Variants in HMGA2 observed in about 807,000 individuals in gnomAD.
The protein encoded by HMGA2 is high mobility group protein HMGI-C.
HMGA2 carries 8 observed loss-of-function variants against 19.1 expected under a neutral mutation model. The ratio of observed to expected loss-of-function variants is 0.42; its 90% CI spans 0.25 to 0.76. The LOEUF (loss-of-function observed/expected upper bound fraction) is 0.76. Ranked by LOEUF, HMGA2 falls within the 30% of genes least tolerant of loss-of-function variation. The pLI, the probability that HMGA2 is intolerant of heterozygous loss-of-function variation, is 0.28. For missense variants in HMGA2, 109 were observed against 136.3 expected, an observed-to-expected ratio of 0.80 and a Z score of 1.00; for synonymous variants, 60 against 48.8, an observed-to-expected ratio of 1.23 and a Z score of -0.96.
intron 3 of HMGA2, among the ~76,000 whole-genome samples, chr12:65,863,247 G>A (rs1308582465): frequency 6.6e-6 from 1 of 152,226 alleles, no homozygotes; most frequent in African/African-American, 2.4e-5. Flanking sequence ...ACAGAATGGA[G>A]CATTTCTGTT....
chr12:65,870,593 G>A (rs1305970405), intron 3 of HMGA2, among the ~76,000 whole-genome samples: 2 of 152,164 alleles, frequency 1.3e-5, no homozygotes, highest in Non-Finnish European at 2.9e-5. Flanking sequence ...AGCCAGGCGT[G>A]GTGGCACATG....
At chr12:65,866,902 A>G (rs1315288382) in intron 3 of HMGA2, 1 of 456,928 alleles carries the variant, frequency 2.2e-6, no homozygotes, top group Non-Finnish European at 4.4e-6. Flanking sequence ...TTCTGCTGCC[A>G]TTTTTCTTTC....
At chr12:65,926,952 A>C (rs1875526239) in intron 3 of HMGA2, among the ~76,000 whole-genome samples, 1 of 152,232 alleles carries the variant, frequency 6.6e-6, no homozygotes, top group Non-Finnish European at 1.5e-5. Flanking sequence ...ACCATGCAGT[A>C]ATCAGGGGTC....
chr12:65,891,159 T>A (rs1873890238), intron 3 of HMGA2, among the ~76,000 whole-genome samples: 1 of 152,224 alleles, frequency 6.6e-6, no homozygotes, highest in Non-Finnish European at 1.5e-5. Context: ...GACCCTGTTT[T>A]GATTCCAAAC....
intron 2 of HMGA2, among the ~76,000 whole-genome samples, chr12:65,837,602 G>A (rs757203838): frequency 4.6e-5 from 7 of 152,096 alleles, no homozygotes; most frequent in African/African-American, 9.7e-5. Context: ...GCAGGAACAC[G>A]TTTTTATAGA....
At chr12:65,913,433 T>C (rs542533403) in intron 3 of HMGA2, among the ~76,000 whole-genome samples, 2 of 152,336 alleles carry the variant, frequency 1.3e-5, no homozygotes, top group African/African-American at 4.8e-5. Flanking sequence ...CTTGTTGCAG[T>C]TGAAGCCCAT....
At chr12:65,838,408 C>T (rs541097372) in intron 2 of HMGA2, 111 bp from the exon 3 acceptor site, 7 of 758,384 alleles carry the variant, frequency 9.2e-6, no homozygotes, top group Non-Finnish European at 1.3e-5. Context: ...AAAAAAAAAC[C>T]GATACGTCAT....
chr12:65,927,811 GTC>G (rs900206293), intron 3 of HMGA2, among the ~76,000 whole-genome samples: 3 of 145,044 alleles, frequency 2.1e-5, no homozygotes. Flanking sequence ...CTTTCTCTCT[GTC>G]TCTCTCTCTC....
chr12:65,862,784 T>A (rs1306325664), intron 3 of HMGA2, among the ~76,000 whole-genome samples: 1 of 152,112 alleles, frequency 6.6e-6, no homozygotes, highest in Non-Finnish European at 1.5e-5. Flanking sequence ...GCTGAAGCCA[T>A]GGCTGTGGAT....
intron 3 of HMGA2, among the ~76,000 whole-genome samples, chr12:65,888,554 C>G (rs866740465): frequency 2.5e-5 from 1 of 40,544 alleles, no homozygotes; most frequent in Non-Finnish European, 4.2e-5. Flanking sequence ...GTGGTGTGCT[C>G]TTTTTTTTTT....
intron 3 of HMGA2, among the ~76,000 whole-genome samples, chr12:65,947,761 C>T (rs1012438688): frequency 2.6e-5 from 4 of 152,194 alleles, no homozygotes; most frequent in Non-Finnish European, 5.9e-5. Flanking sequence ...ATGATGTACA[C>T]ACCTTTAAGA....
intron 3 of HMGA2, among the ~76,000 whole-genome samples, chr12:65,852,295 G>A (rs528235557): frequency 2.0e-5 from 3 of 152,190 alleles, no homozygotes; most frequent in Admixed American, 6.5e-5. Context: ...TCAGGAGTTC[G>A]AGACCTGCCT....
rs889577757 is a variant in HMGA2 at position 65,825,248 on chromosome 12, C to T, written c.-23C>T. ...GGTCGAGGCGAAGCGGCTGCAGCGGCGGTAGCGGCGGCGGGAGGCAGGATG... is the reference window on the plus strand; with the variant it reads ...GGTCGAGGCGAAGCGGCTGCAGCGGTGGTAGCGGCGGCGGGAGGCAGGATG... On this transcript the variant is annotated 5_prime_UTR_variant, in exon 1 of 5. Transcript: ENST00000403681. The surrounding 1 kb of genome is among the most constrained non-coding windows in gnomAD (Gnocchi z 4.4). 1.1e-5 allele frequency: 17 copies of T among 1,519,070 alleles called. No individual in the cohort carries two copies. The highest frequency in any genetic ancestry group is 1.4e-5 in the African/African-American group (1 of 71,116). 94.1% of individuals were successfully genotyped at this position (1,519,070 alleles called of 1,614,324 possible).
intron 4 of HMGA2, chr12:65,952,675 A>C (rs1388739196): frequency 5.5e-6 from 2 of 364,300 alleles, no homozygotes; most frequent in Admixed American, 8.5e-5. Flanking sequence ...CATTAGGAGA[A>C]CCCAAATATA....
intron 3 of HMGA2, among the ~76,000 whole-genome samples, chr12:65,879,197 G>A (rs1288006447): frequency 6.6e-6 from 1 of 152,190 alleles, no homozygotes; most frequent in African/African-American, 2.4e-5. Flanking sequence ...GCATGATCAC[G>A]GCTCACTGCT....
chr12:65,840,276 G>A (rs1870939602), intron 3 of HMGA2, among the ~76,000 whole-genome samples: 1 of 152,128 alleles, frequency 6.6e-6, no homozygotes, highest in Non-Finnish European at 1.5e-5. Flanking sequence ...GATTCTTTGG[G>A]TCAAGGATAG....
At chr12:65,905,182 T>TCA (rs139108942) in intron 3 of HMGA2, among the ~76,000 whole-genome samples, 6,127 of 149,300 alleles carry the variant, frequency 0.041, 208 homozygotes, top group African/African-American at 0.096. Flanking sequence ...ATTGACTTTA[T>TCA]CACACACACA....
intron 3 of HMGA2, among the ~76,000 whole-genome samples, chr12:65,860,283 T>A (rs1423492439): frequency 6.6e-6 from 1 of 152,192 alleles, no homozygotes; most frequent in African/African-American, 2.4e-5. Flanking sequence ...AAAGCCTGTT[T>A]TATAAGAAAG....
intron 3 of HMGA2, among the ~76,000 whole-genome samples, chr12:65,936,770 C>A (rs1244594723): frequency 6.6e-6 from 1 of 152,136 alleles, no homozygotes; most frequent in Non-Finnish European, 1.5e-5. Flanking sequence ...CCCCAGCAAC[C>A]CAATGAGGAA....
Sources: allele counts gnomAD v4.1 joint callset (sites outside exome capture counted in the v4.1 genomes callset), GRCh38; gene constraint gnomAD v4.1.1; non-coding constraint Gnocchi (gnomAD v3.1); transcripts MANE v1.5; gene names NCBI Gene and HGNC (gene_info 2026-07-23, HGNC 2026-07-21).